Variants in SCAP observed in about 807,000 individuals in gnomAD.
SCAP encodes sterol regulatory element-binding protein cleavage-activating protein.
In SCAP, 65 loss-of-function variants were observed where a neutral mutation model predicts 123.6. The observed-to-expected ratio is 0.53, with a 90% confidence interval of 0.43 to 0.65. The LOEUF (loss-of-function observed/expected upper bound fraction) is 0.65, where lower values mean the gene tolerates loss of function less well. Ranked by LOEUF, SCAP falls within the 30% of genes least tolerant of loss-of-function variation. The pLI is 0.00. For missense variants in SCAP, 1,398 were observed against 1,712.5 expected, an observed-to-expected ratio of 0.82 and a Z score of 3.24; for synonymous variants, 740 against 726.3, an observed-to-expected ratio of 1.02 and a Z score of -0.30.
chr3:47,413,887 C>T lies in SCAP; in HGVS notation c.3807G>A (p.Val1269=), dbSNP rs764681298. The change falls in exon 23 of 23, where the codon GTG becomes GTA. Residue 1269 remains valine (V), a synonymous_variant. Transcript: ENST00000265565. ...VCNFGSELSL[V]YVPSVLEKLD The stretch of plus-strand genomic sequence containing the variant: ...GCTTCTCCAGCACAGAGGGCACATA[C>T]ACCAGGCTGAGCTCACTGCCAAAGT... The T allele has an allele frequency of 4.2e-5, 67 of 1,613,018 alleles. No individual in the cohort carries two copies. Among genetic ancestry groups the T allele is most frequent in the Admixed American group, 4.0e-4 (24 of 60,006 alleles).
intron 1 of SCAP, among the ~76,000 whole-genome samples, chr3:47,467,896 C>G (rs1380983927): frequency 6.7e-6 from 1 of 148,168 alleles, no homozygotes; most frequent in Non-Finnish European, 1.5e-5. Flanking sequence ...CCCCGGCAGG[C>G]CCTGGTGAGT....
At chr3:47,415,531 G>C (rs1705534472) in intron 18 of SCAP, among the ~76,000 whole-genome samples, 1 of 152,144 alleles carries the variant, frequency 6.6e-6, no homozygotes, top group Non-Finnish European at 1.5e-5. Context: ...TGAAGGGAGG[G>C]CTGCTGAGGG....
chr3:47,452,633 C>T (rs1276853514), intron 1 of SCAP, among the ~76,000 whole-genome samples: 2 of 152,174 alleles, frequency 1.3e-5, no homozygotes, highest in Non-Finnish European at 2.9e-5. Context: ...CCTGGTGAAT[C>T]AGAAAATCTG....
At position 47,444,157 on chromosome 3, in the gene SCAP, A is replaced by C. The variant is rs185882890; in HGVS notation, c.-98-1066T>G. ...TAAAATCAGAATAGAAAACTCTAGG[A>C]GGCCCAGGGATCTAGAATTATCTTC... On this transcript the variant is annotated intron_variant, in intron 1 of 22. Transcript: ENST00000265565. Among the ~76,000 whole-genome samples, 473 of 152,348 alleles carry C rather than the reference A, an allele frequency of 3.1e-3. 4 individuals carry two copies. Among genetic ancestry groups the C allele is most frequent in the African/African-American group, 0.011 (452 of 41,582 alleles).
At chr3:47,463,713 A>C (rs1414610565) in intron 1 of SCAP, among the ~76,000 whole-genome samples, 1 of 152,170 alleles carries the variant, frequency 6.6e-6, no homozygotes, top group East Asian at 1.9e-4. Flanking sequence ...CTAAAAAAAA[A>C]ACTAAAATTA....
Position 47,418,728 on chromosome 3 carries a change from G to T in SCAP, c.2056C>A (p.Pro686Thr). The change falls in exon 14 of 23, where the codon CCT becomes ACT. Residue 686 changes from proline (P) to threonine (T), a missense_variant. Physicochemically the swap from Pro to Thr is conservative, Grantham distance 38 (BLOSUM62 -1). Around this residue, in one of 7 missense-constraint regions of SCAP, gnomAD observed 828 missense variants for 882.5 expected, o/e 0.94. Coordinates refer to ENST00000265565, the MANE Select transcript of SCAP (RefSeq NM_012235.4). ...RSAWPPPGPI[P>T]AGHWEAGPKG... ...GGTCCTGCTTCCCAGTGCCCAGCAG[G>T]TATGGGCCCCGGTGGGGGCCAGGCA... The T allele has an allele frequency of 6.2e-7, 1 of 1,606,136 alleles. No homozygotes were observed. Among genetic ancestry groups the T allele is most frequent in the Non-Finnish European group, 8.5e-7 (1 of 1,177,356 alleles).
chr3:47,456,257 C>G (rs1707421283), intron 1 of SCAP, among the ~76,000 whole-genome samples: 1 of 152,044 alleles, frequency 6.6e-6, no homozygotes, highest in Non-Finnish European at 1.5e-5. Context: ...CAAAAATTAG[C>G]TGGGCATGGT....
rs1705939664 is a variant in SCAP, at chr3:47,422,360, A to ACT, written c.1245+81_1245+82insAG. The ACT allele has an allele frequency of 2.4e-6, 3 of 1,241,544 alleles. No homozygotes were observed. The Admixed American group carries it at 5.7e-5, about 24-fold the overall frequency. The allele number at this position is 1,241,544 out of a possible 1,614,324, so 76.9% of individuals were successfully genotyped here. A position where few individuals can be genotyped will look rare whatever the true frequency, so the allele number is the denominator to read the frequency against. On this transcript the variant is annotated intron_variant, in intron 10 of 22. Transcript: ENST00000265565. ...CAAGGATGCCTGTGCTGAAGAGGGG[A>ACT]GCACCCTGCCCATGGCTGCACAGCT...
intron 1 of SCAP, among the ~76,000 whole-genome samples, chr3:47,445,545 A>C (rs951716581): frequency 1.4e-5 from 2 of 144,236 alleles, no homozygotes; most frequent in African/African-American, 2.6e-5. Flanking sequence ...ACGCCAGGCC[A>C]CATTATTCTT....
rs1279775827 is a variant in SCAP, at chr3:47,417,482, G to T, written c.2792C>A (p.Pro931Gln). Residue 931 changes from proline to glutamine, a missense_variant, in exon 17 of 23, where the codon CCA becomes CAA. Physicochemically the swap from Pro to Gln is moderately conservative, Grantham distance 76 (BLOSUM62 -1). Transcript: ENST00000265565. ...CCCAGGCGAGGGTGGGCGCAGGGCTGGTGTGCAGACGGCCGCCAGCCCCTC... is the reference window on the plus strand; with the variant it reads ...CCCAGGCGAGGGTGGGCGCAGGGCTTGTGTGCAGACGGCCGCCAGCCCCTC... ...QEEGLAAVCT[P>Q]ALRPPSPGPV... The T allele has an allele frequency of 1.9e-6, 3 of 1,550,906 alleles. No homozygotes were observed. The African/African-American group carries it at 4.1e-5, about 21-fold the overall frequency.
At chr3:47,418,870 G>T in intron 13 of SCAP, 27 bp from the exon 14 acceptor site, 1 of 1,495,098 alleles carries the variant, frequency 6.7e-7, no homozygotes, top group Non-Finnish European at 8.9e-7. Flanking sequence ...GGCAGCCTCA[G>T]CGGGGGGCCT....
At chr3:47,468,918 A>C (rs969598570) in intron 1 of SCAP, among the ~76,000 whole-genome samples, 46 of 152,246 alleles carry the variant, frequency 3.0e-4, no homozygotes, top group Non-Finnish European at 5.3e-4. Flanking sequence ...GAAGGGATCC[A>C]GTTTCAGCTT....
At chr3:47,453,655 T>C (rs751300538) in intron 1 of SCAP, among the ~76,000 whole-genome samples, 25 of 152,284 alleles carry the variant, frequency 1.6e-4, no homozygotes, top group Non-Finnish European at 3.1e-4. Flanking sequence ...TAACTACTTT[T>C]ACTATTTCAG....
chr3:47,426,150 C>T lies in SCAP; in HGVS notation c.757G>A (p.Ala253Thr). ...CTGGGGTGCAGAAGCATCAGGCGGGCACGCAGGCTGCCCAGGAACCTGGTC... is the reference window on the plus strand; with the variant it reads ...CTGGGGTGCAGAAGCATCAGGCGGGTACGCAGGCTGCCCAGGAACCTGGTC... ...YHAKFLGSLR[A>T]RLMLLHPSPN... The change falls in exon 7 of 23, where the codon GCC becomes ACC. Residue 253 changes from alanine to threonine, a missense_variant. Transcript: ENST00000265565. 6.2e-7 allele frequency: 1 copy of T among 1,613,458 alleles called. No individual in the cohort carries two copies. The highest frequency in any genetic ancestry group is 8.5e-7 in the Non-Finnish European group (1 of 1,179,772).
chr3:47,457,666 G>C (rs1707478981), intron 1 of SCAP, among the ~76,000 whole-genome samples: 1 of 152,100 alleles, frequency 6.6e-6, no homozygotes, highest in Admixed American at 6.6e-5. Flanking sequence ...CCAGCACTTT[G>C]GGAGGCCGAG....
At chr3:47,445,579 C>CT (rs1022680108) in intron 1 of SCAP, among the ~76,000 whole-genome samples, 100 of 146,622 alleles carry the variant, frequency 6.8e-4, no homozygotes, top group East Asian at 1.2e-3. Flanking sequence ...CGAACTCCAA[C>CT]TTTTTTTTTT....
At chr3:47,461,406 CT>C (rs902024722) in intron 1 of SCAP, among the ~76,000 whole-genome samples, 1 of 152,230 alleles carries the variant, frequency 6.6e-6, no homozygotes, top group African/African-American at 2.4e-5. Flanking sequence ...AACAGGACAA[CT>C]GTGGACTGTG....
chr3:47,419,389 T>C lies in SCAP; in HGVS notation c.1879A>G (p.Lys627Glu). 2 of 1,612,104 alleles carry C rather than the reference T, an allele frequency of 1.2e-6. No individual in the cohort carries two copies. Among genetic ancestry groups the C allele is most frequent in the Non-Finnish European group, 1.7e-6 (2 of 1,179,400 alleles). Residue 627 changes from lysine (K) to glutamate (E), a missense_variant, in exon 13 of 23, where the codon AAA (lysine) becomes GAA (glutamate). Physicochemically the swap from Lys to Glu is moderately conservative, Grantham distance 56. Transcript: ENST00000265565. This position sits in a 1 kb window ranked among gnomAD's most constrained non-coding sequence, Gnocchi z 5.0. ...GTCGGCCAGTGGCGGAAGGACAATTTCCTCCAAAGTTCCTCATCCTCAGGC... is the reference window on the plus strand; with the variant it reads ...GTCGGCCAGTGGCGGAAGGACAATTCCCTCCAAAGTTCCTCATCCTCAGGC... ...WGPEDEELWR[K>E]LSFRHWPTLF... is the part of the protein sequence containing the mutation.
intron 5 of SCAP, 42 bp downstream of exon 5, chr3:47,427,405 G>A: frequency 6.3e-7 from 1 of 1,593,200 alleles, no homozygotes; most frequent in Non-Finnish European, 8.6e-7. Flanking sequence ...GGTGACCAAT[G>A]GGCACCTTTA....
Sources: allele counts gnomAD v4.1 joint callset (sites outside exome capture counted in the v4.1 genomes callset), GRCh38; gene constraint gnomAD v4.1.1; regional missense constraint gnomAD v4.1.1; non-coding constraint Gnocchi (gnomAD v3.1); transcripts MANE v1.5; gene names NCBI Gene and HGNC (gene_info 2026-07-23, HGNC 2026-07-21).